Variants in BOD1L1 observed in about 807,000 individuals in gnomAD.
BOD1L1 encodes the protein biorientation of chromosomes in cell division protein 1-like 1.
BOD1L1 carries 86 observed loss-of-function variants against 240.7 expected under a neutral mutation model. The ratio of observed to expected loss-of-function variants is 0.36; its 90% CI spans 0.30 to 0.43. The LOEUF (loss-of-function observed/expected upper bound fraction) is 0.43, where lower values mean the gene tolerates loss of function less well. Among genes scored for constraint, BOD1L1 ranks in the 20% least tolerant of loss-of-function variants. BOD1L1 has a pLI of 1.00. For synonymous variants in BOD1L1, 1,268 were observed against 1,272.3 expected, an observed-to-expected ratio of 1.00 and a Z score of 0.07; for missense variants, 3,554 against 3,643.5, an observed-to-expected ratio of 0.98 and a Z score of 0.63.
intron 1 of BOD1L1, among the ~76,000 whole-genome samples, chr4:13,621,663 G>A (rs1213537877): frequency 6.6e-6 from 1 of 152,058 alleles, no homozygotes; most frequent in Non-Finnish European, 1.5e-5. Context: ...CTATCACACT[G>A]CTTGGCAAAT....
In BOD1L1 at chr4:13,603,389, T is replaced by A. The variant is rs1042406968; in HGVS notation, c.3511A>T (p.Thr1171Ser). The A allele has an allele frequency of 1.2e-6, 2 of 1,613,892 alleles. No homozygotes were observed. Among genetic ancestry groups the A allele is most frequent in the African/African-American group, 2.7e-5 (2 of 74,922 alleles). Residue 1171 changes from threonine (T) to serine (S), a missense_variant, in exon 10 of 26, where the codon ACA (threonine) becomes TCA (serine). Physicochemically the swap from Thr to Ser is moderately conservative, Grantham distance 58. Coordinates refer to ENST00000040738, the MANE Select transcript of BOD1L1 (RefSeq NM_148894.3). ...GGAGCTGTTGCTTTTGAATCTGCTG[T>A]GCAAGTTCTCAATTCATCCTTTTGA... ...TVQKDELRTC[T>S]ADSKATAPAY...
Position 13,599,328 on chromosome 4 carries a change from G to C in BOD1L1, c.7572C>G (p.Arg2524=), listed in dbSNP as rs762683215. Residue 2524 remains arginine (R), a synonymous_variant, in exon 10 of 26, where the codon CGC becomes CGG. Coordinates refer to ENST00000040738, the MANE Select transcript of BOD1L1 (RefSeq NM_148894.3). ...QTAKDPSVSI[R]YLAAVNTGAI... is the part of the protein sequence containing the mutation. Reference sequence around the variant, plus strand: ...CACCGGTGTTTACTGCTGCCAAATAGCGAATGCTGACAGAGGGATCCTTAG... The same window carrying C: ...CACCGGTGTTTACTGCTGCCAAATACCGAATGCTGACAGAGGGATCCTTAG... The C allele has an allele frequency of 1.2e-5, 20 of 1,613,574 alleles. No homozygotes were observed. In the Admixed American group the frequency reaches 3.0e-4, roughly 24 times the overall value.
chr4:13,614,286 T>C lies in BOD1L1; in HGVS notation c.1084A>G (p.Lys362Glu), dbSNP rs1221619449. Residue 362 changes from lysine to glutamate, a missense_variant, in exon 4 of 26, where the codon AAA becomes GAA. Lys to Glu is a moderately conservative substitution (Grantham distance 56). Around this residue, in one of 2 missense-constraint regions of BOD1L1, gnomAD observed 3,393 missense variants for 3,427.1 expected, o/e 0.99. Transcript: ENST00000040738. ...TCTACTTCTTTTTCCTTTGCTTGTTTTTCATCTTTAACTTTCTGTGTATCT... is the reference window on the plus strand; with the variant it reads ...TCTACTTCTTTTTCCTTTGCTTGTTCTTCATCTTTAACTTTCTGTGTATCT... ...SEDTQKVKDE[K>E]QAKEKEVESL... 22 of 1,548,096 alleles carry C rather than the reference T, an allele frequency of 1.4e-5. No individual in the cohort carries two copies. Among genetic ancestry groups the C allele is most frequent in the Middle Eastern group, 1.7e-4 (1 of 5,950 alleles).
chr4:13,573,486 T>TTCTG (rs1712414914), intron 25 of BOD1L1, among the ~76,000 whole-genome samples: 1 of 73,820 alleles, frequency 1.4e-5, no homozygotes. Context: ...CTTTCTTTCT[T>TTCTG]TCTTTCTTTT....
chr4:13,587,735 T>C lies in BOD1L1; in HGVS notation c.8317A>G (p.Arg2773Gly), dbSNP rs747430912. The change falls in exon 16 of 26, where the codon AGA becomes GGA. Residue 2773 changes from arginine to glycine, a missense_variant. This residue lies in a region of BOD1L1 where 3,393 missense variants were observed against 3,427.1 expected (regional missense o/e 0.99). Coordinates refer to ENST00000040738, the MANE Select transcript of BOD1L1 (RefSeq NM_148894.3). ...EEERHMPKRK[R>G]KQHYLSSEDE... ...TCTGAAGAGAGATAATGCTGCTTTC[T>C]TTTTCTTTTAGGCATATGCCTTTCT... is the stretch of plus-strand genomic sequence containing the variant. 1.9e-6 allele frequency: 3 copies of C among 1,560,270 alleles called. No individual in the cohort carries two copies. In the East Asian group the frequency reaches 7.0e-5, roughly 37 times the overall value.
intron 17 of BOD1L1, among the ~76,000 whole-genome samples, chr4:13,584,927 A>AT (rs1713551170): frequency 6.6e-6 from 1 of 152,242 alleles, no homozygotes; most frequent in South Asian, 2.1e-4. Context: ...AATAAATGCT[A>AT]TTGCAGACAG....
intron 22 of BOD1L1, 87 bp from the exon 23 acceptor site, chr4:13,577,718 T>C (rs1712881399): frequency 1.1e-6 from 1 of 944,772 alleles, no homozygotes; most frequent in Admixed American, 2.2e-5. Flanking sequence ...TGTCAATGTA[T>C]CAGTATTAAT....
intron 17 of BOD1L1, among the ~76,000 whole-genome samples, chr4:13,585,047 T>C (rs1422612519): frequency 6.6e-6 from 1 of 152,176 alleles, no homozygotes; most frequent in African/African-American, 2.4e-5. Context: ...TCACGAAATT[T>C]AAGAGAAAAT....
Position 13,604,243 on chromosome 4 carries a change from T to A in BOD1L1, c.2657A>T (p.Asn886Ile). The change falls in exon 10 of 26, where the codon AAT becomes ATT. Residue 886 changes from asparagine (N) to isoleucine (I), a missense_variant. This residue lies in a region of BOD1L1 where 3,393 missense variants were observed against 3,427.1 expected (regional missense o/e 0.99). Transcript: ENST00000040738. ...CDMDSTNMDS[N>I]LKPEEVVHKE... Reference sequence around the variant, plus strand: ...GTGAACAACCTCTTCTGGTTTCAAATTACTATCCATGTTAGTGGAGTCCAT... The same window carrying A: ...GTGAACAACCTCTTCTGGTTTCAAAATACTATCCATGTTAGTGGAGTCCAT... 1 of 1,613,702 alleles carries A rather than the reference T, an allele frequency of 6.2e-7. No individual in the cohort carries two copies. The highest frequency in any genetic ancestry group is 1.3e-5 in the African/African-American group (1 of 75,044).
At chr4:13,606,356 T>C (rs1424766095) in intron 9 of BOD1L1, among the ~76,000 whole-genome samples, 1 of 152,166 alleles carries the variant, frequency 6.6e-6, no homozygotes, top group Non-Finnish European at 1.5e-5. Context: ...TCTGAGTAAA[T>C]AAATTAAATT....
intron 13 of BOD1L1, among the ~76,000 whole-genome samples, chr4:13,591,610 A>G (rs1714226135): frequency 6.6e-6 from 1 of 152,238 alleles, no homozygotes. Flanking sequence ...TAATTCTCAA[A>G]CTAAAATCTA....
In BOD1L1 at chr4:13,599,285, T is replaced by C. The variant is rs1714879033; in HGVS notation, c.7615A>G (p.Met2539Val). Residue 2539 changes from methionine to valine, a missense_variant, in exon 10 of 26, where the codon ATG (methionine) becomes GTG (valine). Transcript: ENST00000040738. Reference sequence around the variant, plus strand: ...GCCACGGTCCCTTGAACAGGTGGCATGTCATCAGCTTTTATAGCACCGGTG... The same window carrying C: ...GCCACGGTCCCTTGAACAGGTGGCACGTCATCAGCTTTTATAGCACCGGTG... The part of the protein sequence containing the change: ...VNTGAIKADD[M>V]PPVQGTVAEH... 1.9e-6 allele frequency: 3 copies of C among 1,613,832 alleles called. No individual in the cohort carries two copies. Among genetic ancestry groups the C allele is most frequent in the Middle Eastern group, 1.6e-4 (1 of 6,062 alleles).
chr4:13,614,897 T>C (rs1716465332), intron 3 of BOD1L1, 87 bp from the exon 4 acceptor site: 2 of 1,335,960 alleles, frequency 1.5e-6, no homozygotes, highest in Non-Finnish European at 2.0e-6. Flanking sequence ...TTGTCATCTT[T>C]ATATGATGCA....
rs774418338 is a variant in BOD1L1 at position 13,614,685 on chromosome 4, T to C, written c.685A>G (p.Thr229Ala). The C allele has an allele frequency of 3.7e-6, 6 of 1,613,800 alleles. No homozygotes were observed. Among genetic ancestry groups the C allele is most frequent in the Non-Finnish European group, 5.1e-6 (6 of 1,179,874 alleles). Residue 229 changes from threonine (T) to alanine (A), a missense_variant, in exon 4 of 26, where the codon ACC becomes GCC. Physicochemically the swap from Thr to Ala is moderately conservative, Grantham distance 58. Coordinates refer to ENST00000040738, the MANE Select transcript of BOD1L1 (RefSeq NM_148894.3). Reference protein sequence around the residue: ...RASTETSNAKTSERASKKLPS... With the variant: ...RASTETSNAKASERASKKLPS... ...AGTTTTTTTGACGCTCTCTCACTGG[T>C]CTTGGCATTTGATGTTTCTGTTGAA...
rs768975692 is a variant in BOD1L1, at chr4:13,601,897, C to A, written c.5003G>T (p.Ser1668Ile). Residue 1668 changes from serine to isoleucine, a missense_variant, in exon 10 of 26, where the codon AGT becomes ATT. Ser to Ile is a moderately radical substitution (Grantham distance 142). Around this residue, in one of 2 missense-constraint regions of BOD1L1, gnomAD observed 3,393 missense variants for 3,427.1 expected, o/e 0.99. Transcript: ENST00000040738. ...TCCTTCAACTATTTCTGAGTCTCTA[C>A]TTAAAGAACCATCACATTTTTCTTC... ...GSEEKCDGSLSRDSEIVEGTI... is the reference protein window; with the variant it reads ...GSEEKCDGSLIRDSEIVEGTI... 1.1e-5 allele frequency: 18 copies of A among 1,613,862 alleles called. No individual in the cohort carries two copies.
intron 17 of BOD1L1, among the ~76,000 whole-genome samples, chr4:13,585,713 TGGGAAGGATGCAGTGGGAG>T (rs576926716): frequency 3.9e-4 from 59 of 152,198 alleles, no homozygotes; most frequent in African/African-American, 1.4e-3. Flanking sequence ...CCACTTGTAG[TGGGAAGGATGCAGTGGGAG>T]GTAATTGAAT....
intron 17 of BOD1L1, 79 bp downstream of exon 17, chr4:13,586,317 T>C (rs1440002329): frequency 2.9e-6 from 2 of 695,126 alleles, no homozygotes; most frequent in Non-Finnish European, 2.4e-6. Context: ...AAAAAAATAT[T>C]ATACTAAGTA....
chr4:13,607,230 C>T (rs371095493), intron 8 of BOD1L1, 41 bp from the exon 9 acceptor site: 36 of 1,292,928 alleles, frequency 2.8e-5, no homozygotes, highest in African/African-American at 2.0e-4. Context: ...GAATCAAATA[C>T]GAAAATTTTT....
At chr4:13,597,005 G>A in intron 11 of BOD1L1, 99 bp downstream of exon 11, 1 of 954,958 alleles carries the variant, frequency 1.0e-6, no homozygotes, top group Non-Finnish European at 1.6e-6. Context: ...AGTACAATGA[G>A]AACAGGACCT....
Sources: allele counts gnomAD v4.1 joint callset (sites outside exome capture counted in the v4.1 genomes callset), GRCh38; gene constraint gnomAD v4.1.1; regional missense constraint gnomAD v4.1.1; transcripts MANE v1.5; gene names NCBI Gene and HGNC (gene_info 2026-07-23, HGNC 2026-07-21).